SHOC1: variants seen among roughly 807,000 people sequenced by gnomAD.
The protein encoded by SHOC1 is protein shortage in chiasmata 1 ortholog.
A neutral mutation model predicts 179.2 loss-of-function variants in SHOC1; 136 were observed. That is an observed-to-expected ratio of 0.76 (90% CI 0.66 to 0.87). The LOEUF is 0.87. Among genes scored for constraint, SHOC1 ranks in the 40% least tolerant of loss-of-function variants. The pLI is 0.00. For synonymous variants in SHOC1, 489 were observed against 586.6 expected, an observed-to-expected ratio of 0.83 and a Z score of 2.41; for missense variants, 1,538 against 1,700.8, an observed-to-expected ratio of 0.90 and a Z score of 1.68.
intron 18 of SHOC1, among the ~76,000 whole-genome samples, chr9:111,711,919 G>T (rs1832572216): frequency 6.6e-6 from 1 of 152,136 alleles, no homozygotes; most frequent in Non-Finnish European, 1.5e-5. Flanking sequence ...CAGGGTTGAG[G>T]TTTAAATGAA....
At chr9:111,696,725 T>A (rs956563553) in intron 24 of SHOC1, among the ~76,000 whole-genome samples, 2 of 152,114 alleles carry the variant, frequency 1.3e-5, no homozygotes, top group African/African-American at 4.8e-5. Context: ...ATATGCCCCA[T>A]GCATAGAGGA....
chr9:111,781,323 C>T (rs1409050588), intron 3 of SHOC1, among the ~76,000 whole-genome samples: 5 of 152,150 alleles, frequency 3.3e-5, no homozygotes, highest in African/African-American at 7.2e-5. Context: ...CATGCTATAC[C>T]TCATGAAGCT....
intron 11 of SHOC1, among the ~76,000 whole-genome samples, chr9:111,740,137 C>G (rs138859297): frequency 1.6e-4 from 24 of 152,088 alleles, no homozygotes; most frequent in Non-Finnish European, 5.9e-5. Flanking sequence ...CAAATTTATT[C>G]GGAGTTCCCT....
rs528086512 is a variant in SHOC1 at position 111,778,804 on chromosome 9, G to C, written c.257+2126C>G. On this transcript the variant is annotated intron_variant, in intron 4 of 27. Coordinates refer to ENST00000682961, the MANE Select transcript of SHOC1 (RefSeq NM_001378211.1). ...AAAAAAAAAAAAAGAGACAGAGAGA[G>C]AGAGAAAGTACTGGTGGGGAATGGT... Among the ~76,000 whole-genome samples, 4 of 147,134 alleles carry C rather than the reference G, an allele frequency of 2.7e-5. No homozygotes were observed. The East Asian group carries it at 8.1e-4, about 30-fold the overall frequency.
At position 111,706,159 on chromosome 9, in the gene SHOC1, C is replaced by T. The variant is rs529817178; in HGVS notation, c.2737+409G>A. Among the ~76,000 whole-genome samples, 7 of 152,174 alleles carry T rather than the reference C, an allele frequency of 4.6e-5. No individual in the cohort carries two copies. The East Asian group carries it at 1.3e-3, about 29-fold the overall frequency. On this transcript the variant is annotated intron_variant, in intron 20 of 27. Coordinates refer to ENST00000682961, the MANE Select transcript of SHOC1 (RefSeq NM_001378211.1). The stretch of plus-strand genomic sequence containing the variant: ...AAAGTGATGTATGAAGTGGTTTAGA[C>T]TTTCTTCTAAGTATTTGTAGATAAT...
chr9:111,773,176 G>A (rs1835688205), intron 5 of SHOC1, among the ~76,000 whole-genome samples: 1 of 152,140 alleles, frequency 6.6e-6, no homozygotes, highest in African/African-American at 2.4e-5. Context: ...TTTCCCATAT[G>A]AGCAGTGAAG....
rs181996070 is a variant in SHOC1 at position 111,757,883 on chromosome 9, T to A, written c.708+201A>T. Among the ~76,000 whole-genome samples, 663 of 152,344 alleles carry A rather than the reference T, an allele frequency of 4.4e-3. 3 individuals carry two copies. Among genetic ancestry groups the A allele is most frequent in the African/African-American group, 0.015 (620 of 41,580 alleles). On this transcript the variant is annotated intron_variant, in intron 7 of 27. Transcript: ENST00000682961. ...TATCTCAGGCTTCAACATTTTTTTT[T>A]AACTATTCAGGTAATTCCAACATAC...
At chr9:111,691,494 T>A (rs1831419226) in intron 27 of SHOC1, 57 bp downstream of exon 27, 1 of 1,478,494 alleles carries the variant, frequency 6.8e-7, no homozygotes, top group Non-Finnish European at 9.1e-7. Context: ...TTGGAGATGA[T>A]TTTATCTTTT....
At chr9:111,751,625 A>C (rs541123548) in intron 8 of SHOC1, among the ~76,000 whole-genome samples, 7 of 152,312 alleles carry the variant, frequency 4.6e-5, no homozygotes, top group Admixed American at 1.3e-4. Flanking sequence ...AGATTAATCT[A>C]ATTAAAGCTG....
At chr9:111,702,552 A>C (rs1048364990) in intron 22 of SHOC1, among the ~76,000 whole-genome samples, 1 of 152,186 alleles carries the variant, frequency 6.6e-6, no homozygotes, top group Non-Finnish European at 1.5e-5. Flanking sequence ...GAATAATCAG[A>C]TCCTAGTCCT....
chr9:111,700,100 T>G (rs1057356826), intron 23 of SHOC1, 53 bp from the exon 24 acceptor site: 5 of 960,844 alleles, frequency 5.2e-6, no homozygotes, highest in Non-Finnish European at 6.2e-6. Flanking sequence ...AGATTATATT[T>G]ATTAAAAATT....
At chr9:111,747,265 G>A (rs1834331450) in intron 9 of SHOC1, among the ~76,000 whole-genome samples, 1 of 152,072 alleles carries the variant, frequency 6.6e-6, no homozygotes, top group Non-Finnish European at 1.5e-5. Flanking sequence ...ATGTAATTAA[G>A]TATCAGGGCT....
intron 5 of SHOC1, among the ~76,000 whole-genome samples, chr9:111,767,372 G>T (rs540940407): frequency 6.6e-6 from 1 of 152,190 alleles, no homozygotes; most frequent in South Asian, 2.1e-4. Context: ...TTTGTGCATG[G>T]TGAGAGATAG....
In SHOC1 at chr9:111,724,366, G is replaced by C. The variant is rs533785747; in HGVS notation, c.1835-455C>G. Among the ~76,000 whole-genome samples the C allele has an allele frequency of 5.3e-5, 8 of 151,284 alleles. No individual in the cohort carries two copies. In the South Asian group the frequency reaches 1.7e-3, roughly 32 times the overall value. On this transcript the variant is annotated intron_variant, in intron 13 of 27. Coordinates refer to ENST00000682961, the MANE Select transcript of SHOC1 (RefSeq NM_001378211.1). ...TTTCTTTTCTTTTTTTTAAGACAGT[G>C]TCTCCCTCTGTCACCCAGGCTGGAA...
intron 12 of SHOC1, among the ~76,000 whole-genome samples, chr9:111,728,384 TG>T (rs1462947511): frequency 6.6e-6 from 1 of 151,878 alleles, no homozygotes; most frequent in Non-Finnish European, 1.5e-5. Flanking sequence ...AAAGCCACAA[TG>T]GAAAAAAATA....
At chr9:111,695,649 T>C (rs1271289469) in intron 24 of SHOC1, among the ~76,000 whole-genome samples, 8 of 152,202 alleles carry the variant, frequency 5.3e-5, no homozygotes, top group African/African-American at 1.9e-4. Context: ...AACATCAGAA[T>C]CATCTGAATC....
chr9:111,756,664 T>G lies in SHOC1; in HGVS notation c.709-186A>C, dbSNP rs147451233. Among the ~76,000 whole-genome samples the G allele has an allele frequency of 9.2e-5, 14 of 152,374 alleles. 1 individual carries two copies. Among genetic ancestry groups the G allele is most frequent in the Admixed American group, 5.2e-4 (8 of 15,306 alleles). On this transcript the variant is annotated intron_variant, in intron 7 of 27. Transcript: ENST00000682961. ...TAGCAGCTAAAAATACGTTCTATTA[T>G]AAGCAATGTTCTCTCTGAGTATTGT... is the stretch of plus-strand genomic sequence containing the variant.
intron 10 of SHOC1, 57 bp downstream of exon 10, chr9:111,746,177 A>T: frequency 8.3e-7 from 1 of 1,201,996 alleles, no homozygotes; most frequent in Non-Finnish European, 1.2e-6. Context: ...GAGAGATTTA[A>T]ATAAAGACTG....
At chr9:111,712,372 G>T (rs1832589441) in intron 18 of SHOC1, among the ~76,000 whole-genome samples, 2 of 152,154 alleles carry the variant, frequency 1.3e-5, no homozygotes, top group Non-Finnish European at 1.5e-5. Context: ...TGGCAATATG[G>T]CACAGCCTCA....
Sources: gnomAD v4.1 joint callset for allele counts (sites outside exome capture counted in the v4.1 genomes callset) on GRCh38, gnomAD v4.1.1 for gene constraint, MANE v1.5 for transcripts, NCBI Gene and HGNC (gene_info 2026-07-23, HGNC 2026-07-21) for gene names.